Variants in RNF168 observed in about 807,000 individuals in gnomAD.
RNF168 encodes the protein ring finger protein 168.
In RNF168, 34 loss-of-function variants were observed where a neutral mutation model predicts 34.9. The ratio of observed to expected loss-of-function variants is 0.97; its 90% CI spans 0.74 to 1.30. The LOEUF (loss-of-function observed/expected upper bound fraction) is 1.30, where lower values mean the gene tolerates loss of function less well. RNF168 is among the 50% of genes most tolerant of loss of function. The pLI is 0.00. For synonymous variants in RNF168, 264 were observed against 254.7 expected (o/e 1.04, Z -0.35); for missense variants, 725 against 682.5 (o/e 1.06, Z -0.69).
intron 4 of RNF168, among the ~76,000 whole-genome samples, chr3:196,481,513 T>C (rs1732288773): frequency 6.6e-6 from 1 of 152,118 alleles, no homozygotes. Flanking sequence ...TTGGTAGATA[T>C]CCTTCAACAG....
chr3:196,492,777 CAAAT>C (rs553940481), intron 1 of RNF168, among the ~76,000 whole-genome samples: 140 of 151,384 alleles, frequency 9.2e-4, no homozygotes, highest in South Asian at 5.2e-3. Context: ...GACTCCATCT[CAAAT>C]AAATAAATAA....
intron 1 of RNF168, among the ~76,000 whole-genome samples, chr3:196,502,512 C>G (rs1732923559): frequency 6.6e-6 from 1 of 151,396 alleles, no homozygotes; most frequent in Non-Finnish European, 1.5e-5. Context: ...CGCTTGAAAC[C>G]GGGAGGCGGA....
rs185404425 is a variant in RNF168, at chr3:196,482,379, C to T, written c.680+1391G>A. Among the ~76,000 whole-genome samples, 9 of 152,212 alleles carry T rather than the reference C, an allele frequency of 5.9e-5. No homozygotes were observed. The East Asian group carries it at 1.5e-3, about 26-fold the overall frequency. ...GGACATTTGGGTTGTTTCTACCTTTCGGTTATTTGAATAATGTTGACACAA... is the reference window on the plus strand; with the variant it reads ...GGACATTTGGGTTGTTTCTACCTTTTGGTTATTTGAATAATGTTGACACAA... On this transcript the variant is annotated intron_variant, in intron 4 of 5. Transcript: ENST00000318037.
chr3:196,496,615 T>C (rs1485432154), intron 1 of RNF168, among the ~76,000 whole-genome samples: 1 of 152,262 alleles, frequency 6.6e-6, no homozygotes, highest in Non-Finnish European at 1.5e-5. Context: ...TGTTGCTGTT[T>C]GGATGTCAAT....
chr3:196,501,366 C>T (rs941879057), intron 1 of RNF168, among the ~76,000 whole-genome samples: 2 of 152,118 alleles, frequency 1.3e-5, no homozygotes, highest in South Asian at 4.2e-4. Flanking sequence ...CAAGTATATC[C>T]GTAAAACAAA....
intron 1 of RNF168, among the ~76,000 whole-genome samples, chr3:196,498,708 C>G (rs78298866): frequency 6.6e-6 from 1 of 152,074 alleles, no homozygotes; most frequent in Admixed American, 6.6e-5. Flanking sequence ...AAGAATAAAT[C>G]TTGAGGCCAG....
At chr3:196,492,389 G>A (rs192714429) in intron 1 of RNF168, among the ~76,000 whole-genome samples, 1 of 152,154 alleles carries the variant, frequency 6.6e-6, no homozygotes, top group East Asian at 1.9e-4. Context: ...TAAGACAGAT[G>A]TATTATACTA....
At chr3:196,492,922 CA>C (rs111490979) in intron 1 of RNF168, among the ~76,000 whole-genome samples, 1 of 151,690 alleles carries the variant, frequency 6.6e-6, no homozygotes, top group Non-Finnish European at 1.5e-5. Flanking sequence ...CAATCAAGGG[CA>C]GGGGGAGTTA....
chr3:196,481,690 T>G (rs1732294343), intron 4 of RNF168, among the ~76,000 whole-genome samples: 1 of 137,868 alleles, frequency 7.3e-6, no homozygotes, highest in Admixed American at 7.2e-5. Context: ...GCGTTTTTTT[T>G]TTTTTTTTTT....
chr3:196,502,943 C>G lies in RNF168; in HGVS notation c.231G>C (p.Trp77Cys). 1.2e-6 allele frequency: 2 copies of G among 1,614,112 alleles called. No homozygotes were observed. ...TGGGATAGTGTTTTTGAATTATCGT[C>G]CACAGTTCCACGTTGACGAGAGAAT... ...RRNSLVNVEL[W>C]TIIQKHYPRE... The change falls in exon 1 of 6, where the codon TGG (tryptophan) becomes TGC (cysteine). Residue 77 changes from tryptophan (W) to cysteine (C), a missense_variant. Trp to Cys is a radical substitution (Grantham distance 215). Transcript: ENST00000318037.
At chr3:196,478,706 G>A (rs756057963) in intron 4 of RNF168, among the ~76,000 whole-genome samples, 6 of 151,742 alleles carry the variant, frequency 4.0e-5, no homozygotes, top group South Asian at 4.2e-4. Context: ...TCACTCTATC[G>A]CCCAGACTGA....
chr3:196,478,947 T>C lies in RNF168; in HGVS notation c.681-3635A>G, dbSNP rs151050428. Among the ~76,000 whole-genome samples the C allele has an allele frequency of 2.1e-3, 321 of 151,348 alleles. 1 individual carries two copies. The highest frequency in any genetic ancestry group is 7.3e-3 in the African/African-American group (302 of 41,200). ...GTCTTGAACTCCTGACCTCAGGTGA[T>C]CCACCCACCTCGGCTTCCCAAAGTG... On this transcript the variant is annotated intron_variant, in intron 4 of 5. Coordinates refer to ENST00000318037, the MANE Select transcript of RNF168 (RefSeq NM_152617.4).
chr3:196,475,270 A>C lies in RNF168; in HGVS notation c.723T>G (p.Ser241=). 1 of 1,611,508 alleles carries C rather than the reference A, an allele frequency of 6.2e-7. No individual in the cohort carries two copies. The highest frequency in any genetic ancestry group is 8.5e-7 in the Non-Finnish European group (1 of 1,177,604). Residue 241 remains serine (S), a synonymous_variant, in exon 5 of 6, where the codon TCT becomes TCG. Transcript: ENST00000318037. The part of the protein sequence containing the change: ...PKSQFGSASH[S]EAVQEVRKDS... ...CTTTCCTGACTTCTTGTACAGCTTC[A>C]GAGTGTGAGGCTGACCCAAACTGAG...
At chr3:196,482,338 C>T (rs1326746435) in intron 4 of RNF168, among the ~76,000 whole-genome samples, 3 of 151,878 alleles carry the variant, frequency 2.0e-5, no homozygotes, top group Non-Finnish European at 4.4e-5. Flanking sequence ...TTTTGTTTAC[C>T]CATTCATTTG....
intron 3 of RNF168, among the ~76,000 whole-genome samples, chr3:196,485,931 A>G (rs1732411632): frequency 6.6e-6 from 1 of 152,166 alleles, no homozygotes; most frequent in Admixed American, 6.5e-5. Flanking sequence ...TGTATTCCCT[A>G]GGTCCCATCC....
chr3:196,503,604 G>A lies in RNF168; in HGVS notation c.-431C>T, dbSNP rs752517477. 8.4e-6 allele frequency: 2 copies of A among 237,404 alleles called. No homozygotes were observed. Among genetic ancestry groups the A allele is most frequent in the African/African-American group, 2.3e-5 (1 of 43,138 alleles). The allele number at this position is 237,404 out of a possible 1,614,324, so 14.7% of individuals were successfully genotyped here. A position where few individuals can be genotyped will look rare whatever the true frequency, so the allele number is the denominator to read the frequency against. ...GGCTCCGGGAGGAAGCCCGGGCTCC[G>A]GCTGCAGCATAACTTCCGCTTTACC... On this transcript the variant is annotated 5_prime_UTR_variant, in exon 1 of 6. Coordinates refer to ENST00000318037, the MANE Select transcript of RNF168 (RefSeq NM_152617.4).
At chr3:196,501,574 G>A (rs1456937283) in intron 1 of RNF168, among the ~76,000 whole-genome samples, 1 of 152,140 alleles carries the variant, frequency 6.6e-6, no homozygotes, top group African/African-American at 2.4e-5. Flanking sequence ...AAGGTGAAAT[G>A]GGGAGTCAGT....
At chr3:196,478,682 T>G (rs538698935) in intron 4 of RNF168, among the ~76,000 whole-genome samples, 15 of 150,958 alleles carry the variant, frequency 9.9e-5, no homozygotes, top group East Asian at 1.9e-4. Flanking sequence ...TTTTATTTTT[T>G]GGGGGACAGA....
At chr3:196,482,316 T>C (rs933247607) in intron 4 of RNF168, among the ~76,000 whole-genome samples, 1 of 152,246 alleles carries the variant, frequency 6.6e-6, no homozygotes, top group Admixed American at 6.5e-5. Context: ...TCACATAAAA[T>C]GGAATGCCAC....
Sources: allele counts gnomAD v4.1 joint callset (sites outside exome capture counted in the v4.1 genomes callset), GRCh38; gene constraint gnomAD v4.1.1; transcripts MANE v1.5; gene names NCBI Gene and HGNC (gene_info 2026-07-23, HGNC 2026-07-21).